FZD3: variants seen among roughly 807,000 people sequenced by gnomAD.
FZD3 encodes the protein frizzled class receptor 3.
FZD3 carries 30 observed loss-of-function variants against 60.7 expected under a neutral mutation model. The ratio of observed to expected loss-of-function variants is 0.49; its 90% confidence interval spans 0.37 to 0.67. The LOEUF (loss-of-function observed/expected upper bound fraction) is 0.67, where lower values mean the gene tolerates loss of function less well. Ranked by LOEUF, FZD3 falls within the 30% of genes least tolerant of loss-of-function variation. The pLI is 0.00. For synonymous variants in FZD3, 246 were observed against 275.2 expected, an observed-to-expected ratio of 0.89 and a Z score of 1.05; for missense variants, 605 against 838.7, an observed-to-expected ratio of 0.72 and a Z score of 3.44.
At chr8:28,515,445 G>A (rs916165944) in intron 3 of FZD3, among the ~76,000 whole-genome samples, 2 of 152,152 alleles carry the variant, frequency 1.3e-5, no homozygotes, top group Admixed American at 6.5e-5. Flanking sequence ...TCAAGTGCAC[G>A]GTTTGATTTG....
intron 5 of FZD3, among the ~76,000 whole-genome samples, chr8:28,528,792 A>T (rs1804787164): frequency 1.3e-5 from 2 of 152,196 alleles, no homozygotes; most frequent in Non-Finnish European, 2.9e-5. Flanking sequence ...GTTCTTGAGT[A>T]GTAAATGAAC....
rs1585198177 is a variant in FZD3, at chr8:28,564,471, C to T, written c.*1460C>T. 1 of 139,150 alleles carries T rather than the reference C, an allele frequency of 7.2e-6. No individual in the cohort carries two copies. 8.6% of individuals were successfully genotyped at this position (139,150 alleles called of 1,614,324 possible). A position where few individuals can be genotyped will look rare whatever the true frequency, so the allele number is the denominator to read the frequency against. ...AAAAAAAAAAAAAAAAAAAAGCGCT[C>T]CAGGTGATTCTAATCTGCAGCCTGG... On this transcript the variant is annotated 3_prime_UTR_variant, in exon 8 of 8. Coordinates refer to ENST00000240093, the MANE Select transcript of FZD3 (RefSeq NM_017412.4).
At chr8:28,533,521 C>T (rs1471697786) in intron 5 of FZD3, among the ~76,000 whole-genome samples, 3 of 152,054 alleles carry the variant, frequency 2.0e-5, no homozygotes, top group African/African-American at 7.3e-5. Flanking sequence ...CATTATTAAC[C>T]AGGTTGGTCA....
chr8:28,549,166 G>C lies in FZD3; in HGVS notation c.1405-2437G>C, dbSNP rs556720999. Among the ~76,000 whole-genome samples the C allele has an allele frequency of 9.1e-4, 138 of 152,224 alleles. 2 individuals carry two copies. Among genetic ancestry groups the C allele is most frequent in the African/African-American group, 3.2e-3 (134 of 41,540 alleles). Reference sequence around the variant, plus strand: ...CTTTCTGTGTGTGTACACATGCCTGGTGTCTTTATGTCCAAATTTCCTCCT... The same window carrying C: ...CTTTCTGTGTGTGTACACATGCCTGCTGTCTTTATGTCCAAATTTCCTCCT... On this transcript the variant is annotated intron_variant, in intron 5 of 7. Coordinates refer to ENST00000240093, the MANE Select transcript of FZD3 (RefSeq NM_017412.4).
At chr8:28,543,463 C>T (rs9314365) in intron 5 of FZD3, among the ~76,000 whole-genome samples, 7,429 of 152,194 alleles carry the variant, frequency 0.049, 547 homozygotes, top group African/African-American at 0.17. Flanking sequence ...TCACTGCACC[C>T]TCTGCCTCCC....
chr8:28,531,215 G>A (rs200711144), intron 5 of FZD3, among the ~76,000 whole-genome samples: 2 of 34,318 alleles, frequency 5.8e-5, no homozygotes, highest in Non-Finnish European at 1.5e-4. Flanking sequence ...CTGTCGCTGA[G>A]TGTTTATCCA....
Position 28,555,864 on chromosome 8 carries a change from T to C in FZD3, c.1680T>C (p.Ala560=). ...GTSTQGTSTH[A]SSTQLAMVDD... is the part of the protein sequence containing the mutation. The stretch of plus-strand genomic sequence containing the variant: ...CCACTCAAGGAACATCCACCCATGC[T>C]TCTTCAACTCAGCTGGCTATGGTGG... The change falls in exon 7 of 8, where the codon GCT becomes GCC. Residue 560 remains alanine (A), a synonymous_variant. Coordinates refer to ENST00000240093, the MANE Select transcript of FZD3 (RefSeq NM_017412.4). The C allele has an allele frequency of 6.2e-7, 1 of 1,613,864 alleles. No individual in the cohort carries two copies. The highest frequency in any genetic ancestry group is 1.1e-5 in the South Asian group (1 of 91,072).
chr8:28,530,097 G>C (rs1045048579), intron 5 of FZD3, among the ~76,000 whole-genome samples: 1 of 21,868 alleles, frequency 4.6e-5, no homozygotes, highest in Non-Finnish European at 8.6e-5. Flanking sequence ...ATCTGTGTGT[G>C]TGTGTGTGTG....
intron 5 of FZD3, among the ~76,000 whole-genome samples, chr8:28,543,581 A>C (rs546026509): frequency 3.3e-5 from 5 of 152,178 alleles, no homozygotes; most frequent in East Asian, 1.9e-4. Flanking sequence ...GTGTTTCGCC[A>C]TGTTGGCCAG....
chr8:28,550,569 A>G (rs920692231), intron 5 of FZD3, among the ~76,000 whole-genome samples: 1 of 139,998 alleles, frequency 7.1e-6, no homozygotes, highest in Non-Finnish European at 1.5e-5. Context: ...TTGACTCACT[A>G]CAACCTCCAC....
Position 28,517,526 on chromosome 8 carries a change from G to A in FZD3, c.190-3112G>A, listed in dbSNP as rs116437068. Among the ~76,000 whole-genome samples, 1,142 of 152,126 alleles carry A rather than the reference G, an allele frequency of 7.5e-3. 7 individuals carry two copies. Among genetic ancestry groups the A allele is most frequent in the African/African-American group, 0.025 (1,037 of 41,520 alleles). The stretch of plus-strand genomic sequence containing the variant: ...TCTTTGTGTATATTGCCTCTGCCCC[G>A]TTCTTACTGATCTGTCCTTTTGAGA... On this transcript the variant is annotated intron_variant, in intron 3 of 7. Coordinates refer to ENST00000240093, the MANE Select transcript of FZD3 (RefSeq NM_017412.4).
chr8:28,538,122 A>T (rs1488638776), intron 5 of FZD3, among the ~76,000 whole-genome samples: 4 of 147,238 alleles, frequency 2.7e-5, no homozygotes, highest in Non-Finnish European at 6.0e-5. Flanking sequence ...TTGTCTCCAA[A>T]ATAATAATAA....
At chr8:28,515,466 T>C (rs1804400121) in intron 3 of FZD3, among the ~76,000 whole-genome samples, 1 of 152,200 alleles carries the variant, frequency 6.6e-6, no homozygotes, top group South Asian at 2.1e-4. Flanking sequence ...ACTTATGGTT[T>C]TATATGTTGG....
chr8:28,534,734 A>C (rs186217204), intron 5 of FZD3, among the ~76,000 whole-genome samples: 1 of 152,336 alleles, frequency 6.6e-6, no homozygotes, highest in East Asian at 1.9e-4. Flanking sequence ...TTTAATATTC[A>C]GATATTAGGA....
chr8:28,562,317 T>C lies in FZD3; in HGVS notation c.1788-481T>C, dbSNP rs561297234. ...TTGCCAGTTTATTCATTTTTTTTTT[T>C]AGGTTACTCCAATTTCTCCTCTGAT... On this transcript the variant is annotated intron_variant, in intron 7 of 7. Transcript: ENST00000240093. 6.6e-5 allele frequency among the ~76,000 whole-genome samples: 10 copies of C among 152,254 alleles called. No homozygotes were observed. In the East Asian group the frequency reaches 1.7e-3, roughly 26 times the overall value.
chr8:28,518,640 C>T (rs1264197728), intron 3 of FZD3, among the ~76,000 whole-genome samples: 3 of 152,192 alleles, frequency 2.0e-5, no homozygotes, highest in Non-Finnish European at 1.5e-5. Context: ...ATAGGGAAAA[C>T]TGGCTTTGTG....
intron 4 of FZD3, among the ~76,000 whole-genome samples, chr8:28,526,613 A>G (rs2130370927): frequency 6.6e-6 from 1 of 152,290 alleles, no homozygotes; most frequent in South Asian, 2.1e-4. Flanking sequence ...TAAATACTTG[A>G]TTGCAATACA....
intron 3 of FZD3, among the ~76,000 whole-genome samples, chr8:28,503,441 A>G (rs1252274313): frequency 6.6e-6 from 1 of 152,222 alleles, no homozygotes; most frequent in Non-Finnish European, 1.5e-5. Flanking sequence ...AATTTGAAAC[A>G]TCAGAACATG....
At position 28,565,402 on chromosome 8, in the gene FZD3, T is replaced by G. The variant is rs1805688787; in HGVS notation, c.*2391T>G. The G allele has an allele frequency of 2.0e-5, 3 of 152,134 alleles. No homozygotes were observed. The highest frequency in any genetic ancestry group is 2.0e-4 in the Admixed American group (3 of 15,268). The allele number at this position is 152,134 out of a possible 1,614,324, so 9.4% of individuals were successfully genotyped here. On this transcript the variant is annotated 3_prime_UTR_variant, in exon 8 of 8. Transcript: ENST00000240093. ...AATTCATGAAGCTTTTGTCTGAGAA[T>G]CTCTCCTGCAAACAGCATGAGAGAA...
Sources: gnomAD v4.1 joint callset for allele counts (sites outside exome capture counted in the v4.1 genomes callset) on GRCh38, gnomAD v4.1.1 for gene constraint, MANE v1.5 for transcripts, NCBI Gene and HGNC (gene_info 2026-07-23, HGNC 2026-07-21) for gene names.